Variants in CNGB3 observed in about 807,000 individuals in gnomAD.
The protein encoded by CNGB3 is cyclic nucleotide gated channel subunit beta 3, also known as cyclic nucleotide-gated channel beta-3.
CNGB3 carries 86 observed loss-of-function variants against 92.8 expected under a neutral mutation model. The observed-to-expected ratio is 0.93, with a 90% confidence interval of 0.78 to 1.11. The LOEUF (loss-of-function observed/expected upper bound fraction) is 1.11, where lower values mean the gene tolerates loss of function less well. CNGB3 is among the 50% of genes least tolerant of loss of function. The probability of loss-of-function intolerance (pLI) is 0.00; values close to 1 mark genes in which losing one functional copy is unlikely to be tolerated. For synonymous variants in CNGB3, 333 were observed against 332.7 expected, an observed-to-expected ratio of 1.00 and a Z score of -0.01; for missense variants, 1,026 against 956.8, an observed-to-expected ratio of 1.07 and a Z score of -0.95.
At chr8:86,647,770 G>T in intron 8 of CNGB3, 31 bp downstream of exon 8, 2 of 1,085,568 alleles carry the variant, frequency 1.8e-6, no homozygotes, top group South Asian at 2.5e-5. Context: ...TCCATTATAA[G>T]GGAAAAGACA....
chr8:86,659,086 G>C, intron 6 of CNGB3: 1 of 785,464 alleles, frequency 1.3e-6, no homozygotes, highest in East Asian at 2.5e-5. Flanking sequence ...AGGAGCAGGG[G>C]TTCAGCGATC....
At chr8:86,601,140 C>T (rs889574083) in intron 15 of CNGB3, among the ~76,000 whole-genome samples, 5 of 151,712 alleles carry the variant, frequency 3.3e-5, no homozygotes, top group East Asian at 1.9e-4. Flanking sequence ...GAGGATATTC[C>T]GAAGAGAGAT....
In CNGB3 at chr8:86,654,025, G is replaced by A; in HGVS notation, c.890C>T (p.Ser297Phe). 1 of 1,601,012 alleles carries A rather than the reference G, an allele frequency of 6.2e-7. No homozygotes were observed. The highest frequency in any genetic ancestry group is 2.2e-5 in the East Asian group (1 of 44,748). The change falls in exon 7 of 18, where the codon TCT becomes TTT. Residue 297 changes from serine (S) to phenylalanine (F), a missense_variant. Physicochemically the swap from Ser to Phe is radical, Grantham distance 155. Coordinates refer to ENST00000320005, the MANE Select transcript of CNGB3 (RefSeq NM_019098.5). ...TTTGTCACCTACCTGAAATTTTGTAGAAGTCCTGTAGTGTTTCCTTAGCTC... is the reference window on the plus strand; with the variant it reads ...TTTGTCACCTACCTGAAATTTTGTAAAAGTCCTGTAGTGTTTCCTTAGCTC... ...SNELRKHYRT[S>F]TKFQLDVASI...
At chr8:86,610,587 C>A (rs887629483) in intron 14 of CNGB3, among the ~76,000 whole-genome samples, 13 of 152,050 alleles carry the variant, frequency 8.5e-5, no homozygotes, top group Admixed American at 2.6e-4. Flanking sequence ...CTTGCTTTGA[C>A]CATAGCATTT....
chr8:86,696,292 T>C (rs1039861319), intron 3 of CNGB3, among the ~76,000 whole-genome samples: 3 of 152,106 alleles, frequency 2.0e-5, no homozygotes, highest in African/African-American at 7.2e-5. Context: ...CAGGAGGTGG[T>C]GCTTCCAAGA....
chr8:86,727,810 G>A (rs1001330805), intron 2 of CNGB3, among the ~76,000 whole-genome samples: 2 of 151,996 alleles, frequency 1.3e-5, no homozygotes, highest in African/African-American at 4.8e-5. Flanking sequence ...TTATTTTCTT[G>A]TAATACATAT....
intron 7 of CNGB3, among the ~76,000 whole-genome samples, chr8:86,652,536 T>C (rs1186821169): frequency 6.6e-6 from 1 of 152,044 alleles, no homozygotes; most frequent in African/African-American, 2.4e-5. Context: ...CAAAAGTATT[T>C]TCATTATATA....
At chr8:86,637,128 A>G (rs1460154712) in intron 10 of CNGB3, among the ~76,000 whole-genome samples, 1 of 152,142 alleles carries the variant, frequency 6.6e-6, no homozygotes, top group Non-Finnish European at 1.5e-5. Flanking sequence ...GGGTATATTC[A>G]CAGAAGTGGC....
chr8:86,735,042 G>GTTTTTTTTT (rs60107723), intron 2 of CNGB3, among the ~76,000 whole-genome samples: 4 of 85,868 alleles, frequency 4.7e-5, no homozygotes, highest in East Asian at 3.8e-4. Flanking sequence ...AATGCCGGTG[G>GTTTTTTTTT]TTTTTTTTTT....
intron 10 of CNGB3, among the ~76,000 whole-genome samples, chr8:86,636,468 A>C (rs999167543): frequency 1.4e-5 from 2 of 147,876 alleles, no homozygotes; most frequent in Non-Finnish European, 3.0e-5. Flanking sequence ...GCTACTCAGG[A>C]AGGCTGAGGC....
intron 3 of CNGB3, among the ~76,000 whole-genome samples, chr8:86,708,784 T>C (rs779146173): frequency 2.0e-5 from 3 of 152,058 alleles, no homozygotes; most frequent in Non-Finnish European, 2.9e-5. Flanking sequence ...TTGCCCAGGC[T>C]AGTCTCAAAC....
chr8:86,740,869 T>C (rs1825328649), intron 1 of CNGB3, among the ~76,000 whole-genome samples: 2 of 152,156 alleles, frequency 1.3e-5, no homozygotes, highest in South Asian at 2.1e-4. Context: ...TCCAGGACTA[T>C]TTATAAACAG....
At chr8:86,663,158 G>A (rs774166446) in intron 6 of CNGB3, among the ~76,000 whole-genome samples, 1 of 152,182 alleles carries the variant, frequency 6.6e-6, no homozygotes, top group Non-Finnish European at 1.5e-5. Context: ...GAGCAATTGA[G>A]AGGATTAAGT....
chr8:86,732,236 G>A (rs533978193), intron 2 of CNGB3, among the ~76,000 whole-genome samples: 29 of 152,248 alleles, frequency 1.9e-4, no homozygotes, highest in African/African-American at 6.7e-4. Flanking sequence ...TTTTAAGCGA[G>A]GGAGCTTTCT....
chr8:86,717,630 G>A (rs1243408275), intron 3 of CNGB3, among the ~76,000 whole-genome samples: 1 of 150,550 alleles, frequency 6.6e-6, no homozygotes, highest in African/African-American at 2.4e-5. Context: ...TCATCAAGAC[G>A]GAAAACCAAC....
intron 10 of CNGB3, among the ~76,000 whole-genome samples, chr8:86,639,737 G>A (rs1365053157): frequency 6.6e-6 from 1 of 152,088 alleles, no homozygotes; most frequent in African/African-American, 2.4e-5. Context: ...ACTGACATAT[G>A]CAAATTATCT....
chr8:86,711,837 A>G lies in CNGB3; in HGVS notation c.338+14694T>C, dbSNP rs315969. On this transcript the variant is annotated intron_variant, in intron 3 of 17. Transcript: ENST00000320005. ...TACCACTCTCTCTCTCTCTCTCTCT[A>G]TATATATATATATATGACATATAAT... 4.2e-3 allele frequency among the ~76,000 whole-genome samples: 389 copies of G among 92,546 alleles called. 1 individual carries two copies. The highest frequency in any genetic ancestry group is 0.012 in the Middle Eastern group (2 of 170). The allele number at this position is 92,546 out of a possible 152,430, so 60.7% of individuals were successfully genotyped here. A position where few individuals can be genotyped will look rare whatever the true frequency, so the allele number is the denominator to read the frequency against.
chr8:86,604,319 G>T, intron 14 of CNGB3, 108 bp from the exon 15 acceptor site: 1 of 720,766 alleles, frequency 1.4e-6, no homozygotes. Flanking sequence ...AATGAAGGAA[G>T]CAAAGAACAT....
intron 15 of CNGB3, among the ~76,000 whole-genome samples, chr8:86,602,967 C>T (rs1382419928): frequency 1.3e-5 from 2 of 152,192 alleles, no homozygotes; most frequent in African/African-American, 4.8e-5. Flanking sequence ...TCACTGTACT[C>T]CAGCCATATT....
Sources: gnomAD v4.1 joint callset for allele counts (sites outside exome capture counted in the v4.1 genomes callset) on GRCh38, gnomAD v4.1.1 for gene constraint, MANE v1.5 for transcripts, NCBI Gene and HGNC (gene_info 2026-07-23, HGNC 2026-07-21) for gene names.